The following NLGN4X variants were observed in gnomAD, a reference collection of about 807,000 sequenced individuals.
NLGN4X encodes the protein neuroligin-4, X-linked.
In NLGN4X, 3 loss-of-function variants were observed where a neutral mutation model predicts 40.3. The ratio of observed to expected loss-of-function variants is 0.07; its 90% CI spans 0.03 to 0.19. NLGN4X has a LOEUF of 0.19. Among genes scored for constraint, NLGN4X ranks in the 10% least tolerant of loss-of-function variants. The probability of loss-of-function intolerance (pLI) is 1.00; values close to 1 mark genes in which losing one functional copy is unlikely to be tolerated. For missense variants in NLGN4X, 382 were observed against 708.3 expected (o/e 0.54, Z 5.23); for synonymous variants, 270 against 306.8 (o/e 0.88, Z 1.25).
At chrX:5,969,488 C>T (rs1233436625) in intron 3 of NLGN4X, among the ~76,000 whole-genome samples, 1 of 111,492 alleles carries the variant, frequency 9.0e-6, no homozygotes, top group Admixed American at 9.5e-5. Flanking sequence ...CATGTCACAC[C>T]AGTTAGAATG....
intron 5 of NLGN4X, among the ~76,000 whole-genome samples, chrX:5,894,110 C>G (rs887128139): frequency 9.0e-6 from 1 of 111,548 alleles, no homozygotes; most frequent in East Asian, 2.8e-4. Flanking sequence ...TTTCCGTAGA[C>G]GAAGGGTTGT....
intron 3 of NLGN4X, among the ~76,000 whole-genome samples, chrX:5,979,118 T>C (rs2035298124): frequency 9.0e-6 from 1 of 111,713 alleles, no homozygotes; most frequent in Non-Finnish European, 1.9e-5. Context: ...CAAACAGTTA[T>C]CTGCTTACAG....
intron 2 of NLGN4X, among the ~76,000 whole-genome samples, chrX:6,102,643 T>TATACATACATAC (rs60184331): frequency 0.21 from 21,484 of 104,177 alleles, 1,946 homozygotes; most frequent in African/African-American, 0.27. Flanking sequence ...TTGATAGATA[T>TATACATACATAC]ATACATACAT....
rs973038066 is a variant in NLGN4X at position 6,182,374 on chromosome X, AG to A, written c.-305-30604del. Among the ~76,000 whole-genome samples, 6 of 111,585 alleles carry A rather than the reference AG, an allele frequency of 5.4e-5. No individual in the cohort carries two copies. In the Admixed American group the frequency reaches 5.7e-4, roughly 11 times the overall value. On this transcript the variant is annotated intron_variant, in intron 1 of 5. Transcript: ENST00000381095. ...AGAAAAGCAGCCATCAGGGAGAAAA[AG>A]GGAAAACAAGAGTGTTGTCAAAGAT...
At chrX:6,001,185 A>T (rs779903754) in intron 3 of NLGN4X, among the ~76,000 whole-genome samples, 57 of 111,798 alleles carry the variant, frequency 5.1e-4, no homozygotes, top group Middle Eastern at 9.2e-3. Flanking sequence ...CTCCCATGAC[A>T]CATGGGGATT....
In NLGN4X at chrX:5,937,420, T is replaced by C. The variant is rs762073623; in HGVS notation, c.626-28181A>G. On this transcript the variant is annotated intron_variant, in intron 3 of 5. Transcript: ENST00000381095. ...TATCTGAGGTGGAAAACACATCATC[T>C]ATAAAGGACAATAGGTAAGACGGGC... is the stretch of plus-strand genomic sequence containing the variant. 5.8e-4 allele frequency among the ~76,000 whole-genome samples: 65 copies of C among 111,363 alleles called. No individual in the cohort carries two copies. In the South Asian group the frequency reaches 0.025, roughly 43 times the overall value.
intron 2 of NLGN4X, among the ~76,000 whole-genome samples, chrX:6,041,140 C>A (rs1211380990): frequency 1.8e-5 from 2 of 111,164 alleles, no homozygotes. Flanking sequence ...TCTATACTAG[C>A]CTGTTAGAGG....
intron 2 of NLGN4X, among the ~76,000 whole-genome samples, chrX:6,125,542 A>G (rs978538677): frequency 8.9e-6 from 1 of 111,907 alleles, no homozygotes; most frequent in African/African-American, 3.2e-5. Context: ...GTTATAAAAA[A>G]TACAAAATAC....
intron 3 of NLGN4X, among the ~76,000 whole-genome samples, chrX:5,966,706 T>C (rs1190992959): frequency 8.9e-6 from 1 of 112,184 alleles, no homozygotes; most frequent in African/African-American, 3.2e-5. Flanking sequence ...ATACAAGCAT[T>C]GCAACTACAC....
chrX:5,943,948 T>TACACAC (rs1255872960), intron 3 of NLGN4X, among the ~76,000 whole-genome samples: 4 of 112,225 alleles, frequency 3.6e-5, no homozygotes, highest in Non-Finnish European at 7.5e-5. Flanking sequence ...TGTATCTCTG[T>TACACAC]ACATGATGGA....
chrX:5,932,715 T>C (rs2033592119), intron 3 of NLGN4X, among the ~76,000 whole-genome samples: 2 of 109,144 alleles, frequency 1.8e-5, no homozygotes, highest in Non-Finnish European at 3.8e-5. Flanking sequence ...CCAGAAAGCA[T>C]CAGGAAAGAA....
intron 2 of NLGN4X, among the ~76,000 whole-genome samples, chrX:6,147,371 T>C (rs1382698747): frequency 1.8e-5 from 2 of 111,826 alleles, no homozygotes; most frequent in Non-Finnish European, 3.8e-5. Flanking sequence ...AAAATGTGTC[T>C]TTTATTTTTC....
intron 1 of NLGN4X, among the ~76,000 whole-genome samples, chrX:6,179,388 T>C (rs1403989477): frequency 8.9e-6 from 1 of 112,151 alleles, no homozygotes; most frequent in Non-Finnish European, 1.9e-5. Flanking sequence ...TCATATTGTC[T>C]TAGCATCAAG....
chrX:6,035,111 G>A (rs765411414), intron 2 of NLGN4X, among the ~76,000 whole-genome samples: 19 of 111,496 alleles, frequency 1.7e-4, no homozygotes, highest in African/African-American at 6.2e-4. Context: ...ATTTATTTTT[G>A]CCCATTAAAA....
chrX:6,124,297 A>G (rs911126943), intron 2 of NLGN4X, among the ~76,000 whole-genome samples: 3 of 111,984 alleles, frequency 2.7e-5, no homozygotes, highest in Admixed American at 9.5e-5. Flanking sequence ...CATTAAATAT[A>G]TAAGATAAAG....
intron 4 of NLGN4X, among the ~76,000 whole-genome samples, chrX:5,906,937 G>A (rs957174602): frequency 2.7e-5 from 3 of 110,992 alleles, no homozygotes; most frequent in South Asian, 3.8e-4. Context: ...AAAATTAGCC[G>A]GGCACAGTGG....
chrX:5,942,247 C>A (rs1015356375), intron 3 of NLGN4X, among the ~76,000 whole-genome samples: 5 of 109,890 alleles, frequency 4.6e-5, no homozygotes, highest in African/African-American at 1.3e-4. Context: ...CAGAGTAAGA[C>A]CCTGTCTCAA....
chrX:6,126,028 T>A (rs1252410958), intron 2 of NLGN4X, among the ~76,000 whole-genome samples: 1 of 110,436 alleles, frequency 9.1e-6, no homozygotes, highest in East Asian at 2.8e-4. Flanking sequence ...ATTCCCGAAA[T>A]TGAATATATA....
chrX:5,899,266 G>T (rs769915735), intron 5 of NLGN4X, among the ~76,000 whole-genome samples: 1 of 111,781 alleles, frequency 8.9e-6, no homozygotes, highest in African/African-American at 3.3e-5. Flanking sequence ...AAAAATAGAG[G>T]CTTCAGACGG....
Sources: gnomAD v4.1 joint callset for allele counts (sites outside exome capture counted in the v4.1 genomes callset) on GRCh38, gnomAD v4.1.1 for gene constraint, MANE v1.5 for transcripts, NCBI Gene and HGNC (gene_info 2026-07-23, HGNC 2026-07-21) for gene names.